Variants in BBOF1 observed in about 807,000 individuals in gnomAD.
BBOF1 encodes basal body-orientation factor 1.
BBOF1 carries 62 observed loss-of-function variants against 68.0 expected under a neutral mutation model. The ratio of observed to expected loss-of-function variants is 0.91; its 90% CI spans 0.74 to 1.13. The LOEUF is 1.13. Ranked by LOEUF, BBOF1 falls within the 50% of genes most tolerant of loss-of-function variation. The pLI is 0.00. For synonymous variants in BBOF1, 208 were observed against 198.8 expected (o/e 1.05, Z -0.39); for missense variants, 534 against 600.1 (o/e 0.89, Z 1.15).
downstream of BBOF1, chr14:74,066,965 C>A: frequency 7.0e-7 from 1 of 1,434,444 alleles, no homozygotes; most frequent in African/African-American, 1.4e-5. Context: ...CCTGTAATCC[C>A]AAAGCTTTAG....
intron 2 of BBOF1, 110 bp from the exon 3 acceptor site, chr14:74,029,074 A>G (rs971213616): frequency 9.3e-6 from 6 of 646,024 alleles, no homozygotes; most frequent in African/African-American, 1.8e-5. Context: ...CACCTCACTC[A>G]CCTCTTTTGC....
chr14:74,079,974 G>C (rs1210761526), intron 10 of BBOF1, among the ~76,000 whole-genome samples: 1 of 152,096 alleles, frequency 6.6e-6, no homozygotes, highest in Non-Finnish European at 1.5e-5. Context: ...GGAGATTGAG[G>C]CTACAGTGAG....
At position 74,048,850 on chromosome 14, in the gene BBOF1, A is replaced by G. The variant is rs1188648328; in HGVS notation, c.792+776A>G. Reference sequence around the variant, plus strand: ...ACAAGGAGATGCCATAGTTTCCAATATAGTTATTAATGTTTTACTATATAG... The same window carrying G: ...ACAAGGAGATGCCATAGTTTCCAATGTAGTTATTAATGTTTTACTATATAG... On this transcript the variant is annotated intron_variant, in intron 7 of 11. Coordinates refer to ENST00000394009, the MANE Select transcript of BBOF1 (RefSeq NM_025057.3). Among the ~76,000 whole-genome samples, 4 of 152,162 alleles carry G rather than the reference A, an allele frequency of 2.6e-5. No individual in the cohort carries two copies. The South Asian group carries it at 8.3e-4, about 31-fold the overall frequency.
At chr14:74,019,602 A>AACCTGGCGCCCCCCGCGCCGGCC in intron 1 of BBOF1, 68 bp downstream of exon 1, 1 of 1,541,300 alleles carries the variant, frequency 6.5e-7, no homozygotes, top group Non-Finnish European at 8.8e-7. Flanking sequence ...TGGGGCTGGC[A>AACCTGGCGCCCCCCGCGCCGGCC]ACCTGGCGCC....
downstream of BBOF1, chr14:74,068,750 A>C (rs1436899889): frequency 3.7e-6 from 5 of 1,342,454 alleles, no homozygotes. Flanking sequence ...AAAAAAAAGA[A>C]AGAAACACTG....
chr14:74,070,547 T>C (rs1407586647), downstream of BBOF1, among the ~76,000 whole-genome samples: 1 of 152,102 alleles, frequency 6.6e-6, no homozygotes, highest in Non-Finnish European at 1.5e-5. Flanking sequence ...ATTTCCTCAA[T>C]GGTGACTATG....
At chr14:74,059,559 G>A (rs2060294333) in intron 11 of BBOF1, 2 of 322,148 alleles carry the variant, frequency 6.2e-6, no homozygotes, top group African/African-American at 2.2e-5. Flanking sequence ...GCTGGGTGTG[G>A]TGGCGCATGC....
intron 7 of BBOF1, among the ~76,000 whole-genome samples, chr14:74,048,877 TATAGAG>T (rs2060006935): frequency 6.6e-6 from 1 of 151,982 alleles, no homozygotes; most frequent in Non-Finnish European, 1.5e-5. Context: ...ACTATATAGT[TATAGAG>T]AGAGAGAGAA....
At chr14:74,022,202 A>T (rs1180869296) in intron 1 of BBOF1, among the ~76,000 whole-genome samples, 1 of 151,974 alleles carries the variant, frequency 6.6e-6, no homozygotes, top group Non-Finnish European at 1.5e-5. Flanking sequence ...GTGGGACCCC[A>T]TCTCTATTAA....
At chr14:74,072,754 A>T in intron 9 of BBOF1, 1 of 937,488 alleles carries the variant, frequency 1.1e-6, no homozygotes, top group Non-Finnish European at 1.6e-6. Context: ...AAATGTTACC[A>T]CTAGGAAAGA....
At chr14:74,027,669 A>G (rs2059465821) in intron 2 of BBOF1, among the ~76,000 whole-genome samples, 1 of 152,196 alleles carries the variant, frequency 6.6e-6, no homozygotes, top group Middle Eastern at 3.2e-3. Context: ...GGTTAAAATT[A>G]GCATCAATCA....
chr14:74,049,882 C>G lies in BBOF1; in HGVS notation c.973C>G (p.Gln325Glu), dbSNP rs2060028012. 3 of 1,613,954 alleles carry G rather than the reference C, an allele frequency of 1.9e-6. No individual in the cohort carries two copies. The highest frequency in any genetic ancestry group is 1.7e-6 in the Non-Finnish European group (2 of 1,180,030). ...QHAMIENQAG[Q>E]VEIDKLQHLL... ...CGCAATGATAGAGAACCAAGCAGGTCAGGTAGAAATTGACAAGCTGCAGCA... is the reference window on the plus strand; with the variant it reads ...CGCAATGATAGAGAACCAAGCAGGTGAGGTAGAAATTGACAAGCTGCAGCA... Residue 325 changes from glutamine (Q) to glutamate (E), a missense_variant, in exon 8 of 12, where the codon CAG becomes GAG. By Grantham distance (29) the Gln-to-Glu change is conservative. Transcript: ENST00000394009.
chr14:74,027,322 G>A (rs922397467), intron 2 of BBOF1, among the ~76,000 whole-genome samples: 5 of 150,128 alleles, frequency 3.3e-5, no homozygotes, highest in Admixed American at 6.7e-5. Context: ...CCTGACCTCA[G>A]GTGATCTACC....
chr14:74,057,408 A>G, intron 11 of BBOF1, 150 bp downstream of exon 11: 2 of 1,528,736 alleles, frequency 1.3e-6, no homozygotes, highest in East Asian at 2.5e-5. Flanking sequence ...GATTACATAA[A>G]TTTTTAAAGC....
chr14:74,067,255 A>G, downstream of BBOF1: 1 of 1,117,226 alleles, frequency 9.0e-7, no homozygotes, highest in Non-Finnish European at 1.3e-6. Flanking sequence ...TGACAAGTAC[A>G]GTATAAAGAG....
chr14:74,072,437 GCACTATGTGCTTTACAACAGA>G (rs1304203072), intron 9 of BBOF1: 25 of 1,612,816 alleles, frequency 1.6e-5, no homozygotes, highest in Middle Eastern at 1.6e-4. Flanking sequence ...CACAGAAGTG[GCACTATGTGCTTTACAACAGA>G]CACCCAGGTC....
downstream of BBOF1, among the ~76,000 whole-genome samples, chr14:74,069,616 G>T (rs2060521375): frequency 6.6e-6 from 1 of 151,688 alleles, no homozygotes; most frequent in South Asian, 2.1e-4. Flanking sequence ...AGCCAAATGT[G>T]GTGGTGGGCA....
intron 9 of BBOF1, among the ~76,000 whole-genome samples, chr14:74,073,229 G>A (rs974868795): frequency 6.6e-6 from 1 of 152,042 alleles, no homozygotes; most frequent in Non-Finnish European, 1.5e-5. Flanking sequence ...TCAGCCTCCT[G>A]AGCAGCTGGG....
intron 2 of BBOF1, among the ~76,000 whole-genome samples, chr14:74,024,035 ACCT>A (rs919246949): frequency 1.3e-5 from 2 of 152,086 alleles, no homozygotes; most frequent in African/African-American, 4.8e-5. Context: ...TCTTTTACTA[ACCT>A]CCTATTTAAT....
Sources: gnomAD v4.1 joint callset for allele counts (sites outside exome capture counted in the v4.1 genomes callset) on GRCh38, gnomAD v4.1.1 for gene constraint, MANE v1.5 for transcripts, NCBI Gene and HGNC (gene_info 2026-07-23, HGNC 2026-07-21) for gene names.